Variants in ZNF202 observed in about 807,000 individuals in gnomAD.
The protein encoded by ZNF202 is zinc finger protein 202.
A neutral mutation model predicts 54.5 loss-of-function variants in ZNF202; 22 were observed. That is an observed-to-expected ratio of 0.40 (90% CI 0.29 to 0.58). ZNF202 has a LOEUF of 0.58. ZNF202 is among the 20% of genes least tolerant of loss of function. The pLI, the probability that ZNF202 is intolerant of heterozygous loss-of-function variation, is 0.39. For synonymous variants in ZNF202, 294 were observed against 301.4 expected (o/e 0.98, Z 0.26); for missense variants, 644 against 805.5 (o/e 0.80, Z 2.43).
At position 123,726,276 on chromosome 11, in the gene ZNF202, C is replaced by G. The variant is rs775706573; in HGVS notation, c.1668G>C (p.Arg556=). 1 of 1,614,216 alleles carries G rather than the reference C, an allele frequency of 6.2e-7. No homozygotes were observed. The highest frequency in any genetic ancestry group is 8.5e-7 in the Non-Finnish European group (1 of 1,180,036). ...AGAGTTCCTCAGCAGCGTGCGTCTT[C>G]CGGTGCGCCAGGTACCGCCTGTGTT... ...FSEHRRYLAH[R]KTHAAEELYL... The change falls in exon 9 of 9, where the codon CGG becomes CGC. Residue 556 remains arginine, a synonymous_variant. Transcript: ENST00000530393. The surrounding 1 kb of genome is among the most constrained non-coding windows in gnomAD (Gnocchi z 6.0).
chr11:123,731,330 C>T (rs1861398135), intron 3 of ZNF202, among the ~76,000 whole-genome samples: 1 of 152,200 alleles, frequency 6.6e-6, no homozygotes, highest in South Asian at 2.1e-4. Flanking sequence ...CATCTCCTGC[C>T]TGGACTACTG....
chr11:123,741,353 A>G (rs541604855), intron 1 of ZNF202, among the ~76,000 whole-genome samples, 196 bp downstream of exon 1: 15 of 152,204 alleles, frequency 9.9e-5, no homozygotes, highest in African/African-American at 3.6e-4. Context: ...GGCCACCAGG[A>G]AACACAGAGA....
chr11:123,727,002 G>C lies in ZNF202; in HGVS notation c.953-11C>G. 1 of 1,594,640 alleles carries C rather than the reference G, an allele frequency of 6.3e-7. No homozygotes were observed. The highest frequency in any genetic ancestry group is 8.5e-7 in the Non-Finnish European group (1 of 1,172,210). ...CTTTACTCCTATCTCCTGTAGAAAG[G>C]GTGAGAGGAAAAAGGGGGTCACTGT... On this transcript the variant is annotated splice_polypyrimidine_tract_variant and intron_variant, in intron 8 of 8. Coordinates refer to ENST00000530393, the MANE Select transcript of ZNF202 (RefSeq NM_003455.4).
In ZNF202 at chr11:123,726,751, T is replaced by A. The variant is rs748409336; in HGVS notation, c.1193A>T (p.Asp398Val). 236 of 1,614,072 alleles carry A rather than the reference T, an allele frequency of 1.5e-4. No homozygotes were observed. Among genetic ancestry groups the A allele is most frequent in the Non-Finnish European group, 1.9e-4 (225 of 1,180,034 alleles). Reference sequence around the variant, plus strand: ...GAAGCTCTTTCCACACACAGAACAGTCATGATGCCTCCCTAACAGGGGGTG... The same window carrying A: ...GAAGCTCTTTCCACACACAGAACAGACATGATGCCTCCCTAACAGGGGGTG... ...PVHPLLGRHHDCSVCGKSFTC... is the reference protein window; with the variant it reads ...PVHPLLGRHHVCSVCGKSFTC... Residue 398 changes from aspartate (D) to valine (V), a missense_variant, in exon 9 of 9, where the codon GAC becomes GTC. Physicochemically the swap from Asp to Val is radical, Grantham distance 152 (BLOSUM62 -3). Transcript: ENST00000530393. This position sits in a 1 kb window ranked among gnomAD's most constrained non-coding sequence, Gnocchi z 6.0.
chr11:123,741,260 G>A (rs1861854178), intron 1 of ZNF202, among the ~76,000 whole-genome samples: 1 of 152,152 alleles, frequency 6.6e-6, no homozygotes, highest in African/African-American at 2.4e-5. Flanking sequence ...CATTTCTGCA[G>A]GCCCCAGGAG....
intron 7 of ZNF202, 75 bp downstream of exon 7, chr11:123,728,058 T>A: frequency 6.5e-7 from 1 of 1,547,446 alleles, no homozygotes; most frequent in Non-Finnish European, 8.8e-7. Context: ...ATCTAAGGTC[T>A]AAGATCCCCC....
chr11:123,730,937 T>C lies in ZNF202; in HGVS notation c.-49A>G, dbSNP rs967406301. On this transcript the variant is annotated 5_prime_UTR_variant, in exon 4 of 9. Transcript: ENST00000530393. The surrounding 1 kb of genome is among the most constrained non-coding windows in gnomAD (Gnocchi z 6.0). The stretch of plus-strand genomic sequence containing the variant: ...CACCATCTAGAGCTCACACTGTCAT[T>C]AGCCCCCCGCCTCAGCCTGGACACA... 1 of 1,564,632 alleles carries C rather than the reference T, an allele frequency of 6.4e-7. No homozygotes were observed. Among genetic ancestry groups the C allele is most frequent in the African/African-American group, 1.4e-5 (1 of 73,452 alleles).
intron 3 of ZNF202, chr11:123,739,520 T>C (rs1388085895): frequency 3.8e-5 from 3 of 79,380 alleles, no homozygotes; most frequent in Non-Finnish European, 2.9e-5. Flanking sequence ...ACAGGTGTAA[T>C]ATTTTGATCA....
In ZNF202 at chr11:123,725,184, G is replaced by C. The variant is rs1007362787; in HGVS notation, c.*813C>G. 2.0e-5 allele frequency: 3 copies of C among 152,234 alleles called. No homozygotes were observed. The highest frequency in any genetic ancestry group is 7.2e-5 in the African/African-American group (3 of 41,464). The allele number at this position is 152,234 out of a possible 1,614,324, so 9.4% of individuals were successfully genotyped here. A position where few individuals can be genotyped will look rare whatever the true frequency, so the allele number is the denominator to read the frequency against. ...CACTACCATCTCACTTGTAGTAGAA[G>C]TGCTAGGGATGCAACCAAGAGACTG... is the stretch of plus-strand genomic sequence containing the variant. On this transcript the variant is annotated 3_prime_UTR_variant, in exon 9 of 9. Transcript: ENST00000530393.
intron 3 of ZNF202, among the ~76,000 whole-genome samples, chr11:123,733,775 A>G (rs558193202): frequency 1.3e-5 from 2 of 152,138 alleles, no homozygotes; most frequent in Non-Finnish European, 2.9e-5. Flanking sequence ...GCTTTTGTGT[A>G]TTATTTAGAT....
chr11:123,729,085 T>TC (rs758705644), intron 6 of ZNF202, 41 bp downstream of exon 6: 1 of 1,604,648 alleles, frequency 6.2e-7, no homozygotes, highest in East Asian at 2.2e-5. Flanking sequence ...CAGTGGTTCT[T>TC]CAAACAAATT....
rs781278559 is a variant in ZNF202 at position 123,726,119 on chromosome 11, C to T, written c.1825G>A (p.Val609Ile). ...GKSFSRRDHLVRHQRTHTGEK... is the reference protein window; with the variant it reads ...GKSFSRRDHLIRHQRTHTGEK... The stretch of plus-strand genomic sequence containing the variant: ...CCAGTGTGTGTTCTCTGATGCCTGA[C>T]GAGGTGGTCCCTGCGACTGAAGCTC... The change falls in exon 9 of 9, where the codon GTC (valine) becomes ATC (isoleucine). Residue 609 changes from valine to isoleucine, a missense_variant. Val to Ile is a conservative substitution (Grantham distance 29). Coordinates refer to ENST00000530393, the MANE Select transcript of ZNF202 (RefSeq NM_003455.4). The surrounding 1 kb of genome is among the most constrained non-coding windows in gnomAD (Gnocchi z 6.0). The T allele has an allele frequency of 1.8e-5, 29 of 1,614,060 alleles. 1 individual carries two copies. The Admixed American group carries it at 2.8e-4, about 16-fold the overall frequency.
Position 123,737,536 on chromosome 11 carries a change from A to G in ZNF202, c.-98+2581T>C, listed in dbSNP as rs149918164. On this transcript the variant is annotated intron_variant, in intron 3 of 8. Coordinates refer to ENST00000530393, the MANE Select transcript of ZNF202 (RefSeq NM_003455.4). ...GAGAAAGAGGTCAAGTATGTAGTGGATAGTACAGGGAAGTCACAAGTATCT... is the reference window on the plus strand; with the variant it reads ...GAGAAAGAGGTCAAGTATGTAGTGGGTAGTACAGGGAAGTCACAAGTATCT... Among the ~76,000 whole-genome samples the G allele has an allele frequency of 1.1e-3, 172 of 152,320 alleles. 2 individuals carry two copies. Among genetic ancestry groups the G allele is most frequent in the East Asian group, 5.8e-3 (30 of 5,182 alleles).
chr11:123,735,501 AGAAG>A, intron 3 of ZNF202, among the ~76,000 whole-genome samples: 1 of 152,346 alleles, frequency 6.6e-6, no homozygotes, highest in East Asian at 1.9e-4. Flanking sequence ...GATCAGCAAT[AGAAG>A]GAATGAAGGA....
chr11:123,727,658 G>T, intron 7 of ZNF202, 63 bp from the exon 8 acceptor site: 1 of 1,597,818 alleles, frequency 6.3e-7, no homozygotes, highest in Non-Finnish European at 8.5e-7. Flanking sequence ...GTTAAGAGCG[G>T]TCCTTTTCTA....
intron 3 of ZNF202, among the ~76,000 whole-genome samples, chr11:123,735,053 A>T (rs1460953461): frequency 2.6e-5 from 4 of 152,210 alleles, no homozygotes; most frequent in Non-Finnish European, 5.9e-5. Context: ...GATTTAAATC[A>T]ATTTTAATAA....
At chr11:123,727,084 G>A (rs1405393001) in intron 8 of ZNF202, 93 bp from the exon 9 acceptor site, 4 of 1,475,870 alleles carry the variant, frequency 2.7e-6, no homozygotes, top group Non-Finnish European at 3.6e-6. Flanking sequence ...TTTTGAGATG[G>A]CAAGACTAAA....
chr11:123,725,838 C>A lies in ZNF202; in HGVS notation c.*159G>T. 1 of 839,234 alleles carries A rather than the reference C, an allele frequency of 1.2e-6. No homozygotes were observed. The allele number at this position is 839,234 out of a possible 1,614,324, so 52.0% of individuals were successfully genotyped here. A position where few individuals can be genotyped will look rare whatever the true frequency, so the allele number is the denominator to read the frequency against. ...GTAGAGGAAGGCTGAGAGGTTCTGC[C>A]CAGGCTCGTGTTTAGTTGCAGGAAG... On this transcript the variant is annotated 3_prime_UTR_variant, in exon 9 of 9. Transcript: ENST00000530393.
chr11:123,728,961 T>C (rs1360172295), intron 6 of ZNF202, among the ~76,000 whole-genome samples, 165 bp downstream of exon 6: 1 of 152,224 alleles, frequency 6.6e-6, no homozygotes, highest in African/African-American at 2.4e-5. Flanking sequence ...ATATAAGGTA[T>C]GATAATTTAT....
Sources: gnomAD v4.1 joint callset for allele counts (sites outside exome capture counted in the v4.1 genomes callset) on GRCh38, gnomAD v4.1.1 for gene constraint, Gnocchi (gnomAD v3.1) non-coding constraint, MANE v1.5 for transcripts, NCBI Gene and HGNC (gene_info 2026-07-23, HGNC 2026-07-21) for gene names.